Variants in CFAP20 observed in about 807,000 individuals in gnomAD.
The protein encoded by CFAP20 is cilia- and flagella-associated protein 20.
In CFAP20, 14 loss-of-function variants were observed where a neutral mutation model predicts 25.5. That is an observed-to-expected ratio of 0.55 (90% CI 0.36 to 0.86). The LOEUF (loss-of-function observed/expected upper bound fraction) is 0.86. Among genes scored for constraint, CFAP20 ranks in the 40% least tolerant of loss-of-function variants. CFAP20 has a pLI of 0.01. For synonymous variants in CFAP20, 75 were observed against 91.1 expected (o/e 0.82, Z 1.01); for missense variants, 181 against 248.0 (o/e 0.73, Z 1.81).
At chr16:58,117,215 C>T in intron 1 of CFAP20, 2 of 492,264 alleles carry the variant, frequency 4.1e-6, no homozygotes, top group Non-Finnish European at 7.2e-6. Flanking sequence ...CTAATATCTA[C>T]TGAATGCCTA....
chr16:58,118,572 G>A (rs1597087168), intron 1 of CFAP20, among the ~76,000 whole-genome samples: 1 of 151,330 alleles, frequency 6.6e-6, no homozygotes. Context: ...GTTCACGCTT[G>A]TAATCCCAGC....
chr16:58,116,807 A>C (rs1960463386), intron 2 of CFAP20, 65 bp downstream of exon 2: 1 of 1,448,028 alleles, frequency 6.9e-7, no homozygotes, highest in African/African-American at 1.4e-5. Flanking sequence ...CTGTGCTATT[A>C]ACCTCTATGA....
chr16:58,123,000 C>T (rs1391177999), intron 1 of CFAP20, among the ~76,000 whole-genome samples: 1 of 151,960 alleles, frequency 6.6e-6, no homozygotes, highest in Non-Finnish European at 1.5e-5. Context: ...AGGATACTAT[C>T]TTGTTTTTTT....
intron 1 of CFAP20, among the ~76,000 whole-genome samples, chr16:58,122,510 A>G (rs1169567226): frequency 6.6e-6 from 1 of 152,130 alleles, no homozygotes; most frequent in East Asian, 1.9e-4. Flanking sequence ...TGAATCCAGA[A>G]AGAGGAGGTT....
intron 1 of CFAP20, among the ~76,000 whole-genome samples, chr16:58,118,861 T>G (rs926857930): frequency 1.8e-4 from 28 of 152,086 alleles, no homozygotes. Flanking sequence ...GCTGGACTAT[T>G]AGGGCTGAAT....
chr16:58,116,137 T>A lies in CFAP20; in HGVS notation c.180A>T (p.Thr60=), dbSNP rs1313061680. 6.2e-7 allele frequency: 1 copy of A among 1,610,274 alleles called. No homozygotes were observed. The highest frequency in any genetic ancestry group is 1.3e-5 in the African/African-American group (1 of 74,930). ...EGTNVSTTYI[T]CPADPKKTLG... is the part of the protein sequence containing the mutation. ...GCGTCTTCTTGGGGTCTGCAGGGCA[T>A]GTGATATATGTGGTGCTGTAGAGAG... The change falls in exon 3 of 6, where the codon ACA becomes ACT. Residue 60 remains threonine (T), a synonymous_variant. Transcript: ENST00000262498.
At position 58,116,573 on chromosome 16, in the gene CFAP20, T is replaced by C. The variant is rs544107070; in HGVS notation, c.164+299A>G. 3.7e-4 allele frequency: 161 copies of C among 437,332 alleles called. 4 individuals are homozygous for C. The South Asian group carries it at 6.5e-3, about 18-fold the overall frequency. The allele number at this position is 437,332 out of a possible 1,614,324, so 27.1% of individuals were successfully genotyped here. Reference sequence around the variant, plus strand: ...CCCCAACACACACTTTGGTTAATAATATAGCTAATACTGACATCGTGCTTA... The same window carrying C: ...CCCCAACACACACTTTGGTTAATAACATAGCTAATACTGACATCGTGCTTA... On this transcript the variant is annotated intron_variant, in intron 2 of 5. Coordinates refer to ENST00000262498, the MANE Select transcript of CFAP20 (RefSeq NM_013242.3).
chr16:58,116,589 A>C (rs1960460863), intron 2 of CFAP20: 1 of 472,950 alleles, frequency 2.1e-6, no homozygotes, highest in South Asian at 3.7e-5. Context: ...TAATACTGAC[A>C]TCGTGCTTAC....
rs748270380 is a variant in CFAP20, at chr16:58,115,470, GAGA to G, written c.277-16_277-14del. 8.7e-6 allele frequency: 14 copies of G among 1,613,344 alleles called. No homozygotes were observed. Among genetic ancestry groups the G allele is most frequent in the African/African-American group, 2.7e-5 (2 of 74,930 alleles). On this transcript the variant is annotated splice_polypyrimidine_tract_variant and intron_variant, in intron 3 of 5. Transcript: ENST00000262498. ...TGTCATCTAGTACCTGTGAAATACAGAGAAGAAGCATCACACTAGCTCTGTCTT... is the reference window on the plus strand; with the variant it reads ...TGTCATCTAGTACCTGTGAAATACAGAGAAGCATCACACTAGCTCTGTCTT...
At chr16:58,115,839 T>G (rs1306348988) in intron 3 of CFAP20, 2 of 520,596 alleles carry the variant, frequency 3.8e-6, no homozygotes, top group Non-Finnish European at 6.8e-6. Flanking sequence ...GTTTTCTAGG[T>G]GCTGTTTCTT....
rs534216547 is a variant in CFAP20 at position 58,123,648 on chromosome 16, G to GT, written c.84+5383dup. 5.9e-3 allele frequency among the ~76,000 whole-genome samples: 762 copies of GT among 128,178 alleles called. 2 individuals carry two copies. The highest frequency in any genetic ancestry group is 1.0e-2 in the Non-Finnish European group (611 of 61,228). The allele number at this position is 128,178 out of a possible 152,430, so 84.1% of individuals were successfully genotyped here. On this transcript the variant is annotated intron_variant, in intron 1 of 5. Coordinates refer to ENST00000262498, the MANE Select transcript of CFAP20 (RefSeq NM_013242.3). ...AAAAAAAGACTGAAAATTACAGCAT[G>GT]TTTTACACAAGTATAAGTGGGAACA...
chr16:58,123,920 G>A (rs973378969), intron 1 of CFAP20, among the ~76,000 whole-genome samples: 1 of 152,148 alleles, frequency 6.6e-6, no homozygotes, highest in African/African-American at 2.4e-5. Flanking sequence ...AACTTACCCT[G>A]AAGAGTTAAG....
At chr16:58,118,838 A>G (rs1479238631) in intron 1 of CFAP20, among the ~76,000 whole-genome samples, 3 of 152,186 alleles carry the variant, frequency 2.0e-5, no homozygotes, top group Non-Finnish European at 4.4e-5. Context: ...GAACAAACAA[A>G]CAAAAAAACA....
At chr16:58,126,897 T>A (rs1469981525) in intron 1 of CFAP20, among the ~76,000 whole-genome samples, 1 of 152,216 alleles carries the variant, frequency 6.6e-6, no homozygotes, top group Non-Finnish European at 1.5e-5. Context: ...TTCTTCTCTT[T>A]CCTTCCCTTG....
Position 58,126,593 on chromosome 16 carries a change from C to G in CFAP20, c.84+2439G>C, listed in dbSNP as rs191083964. On this transcript the variant is annotated intron_variant, in intron 1 of 5. Transcript: ENST00000262498. ...AAATAGGTACCACAGTCAATATATACCTACTGGCAAAAGTCAAGGTCATGT... is the reference window on the plus strand; with the variant it reads ...AAATAGGTACCACAGTCAATATATAGCTACTGGCAAAAGTCAAGGTCATGT... Among the ~76,000 whole-genome samples the G allele has an allele frequency of 1.7e-3, 258 of 152,282 alleles. 1 individual carries two copies. The highest frequency in any genetic ancestry group is 6.0e-3 in the African/African-American group (250 of 41,542).
Position 58,114,007 on chromosome 16 carries a change from C to T in CFAP20, c.*18G>A. The T allele has an allele frequency of 6.2e-7, 1 of 1,612,926 alleles. No homozygotes were observed. Among genetic ancestry groups the T allele is most frequent in the Non-Finnish European group, 8.5e-7 (1 of 1,178,886 alleles). ...AAGAGTCACATCCAGGGGTCTATCC[C>T]TCGAGTCACAATTCCAGTTATTGCT... On this transcript the variant is annotated 3_prime_UTR_variant, in exon 6 of 6. Coordinates refer to ENST00000262498, the MANE Select transcript of CFAP20 (RefSeq NM_013242.3).
intron 1 of CFAP20, among the ~76,000 whole-genome samples, chr16:58,127,751 T>C (rs1195209573): frequency 1.3e-5 from 2 of 152,184 alleles, no homozygotes; most frequent in African/African-American, 4.8e-5. Context: ...AACTTCATTA[T>C]ATTCAGATTT....
Position 58,116,948 on chromosome 16 carries a change from G to A in CFAP20, c.88C>T (p.Arg30Trp). The A allele has an allele frequency of 1.2e-6, 2 of 1,613,774 alleles. No homozygotes were observed. Among genetic ancestry groups the A allele is most frequent in the Non-Finnish European group, 1.7e-6 (2 of 1,179,732 alleles). Residue 30 changes from arginine (R) to tryptophan (W), a missense_variant, in exon 2 of 6, where the codon CGG becomes TGG. Transcript: ENST00000262498. ...KPLQIWDKKVRNGHIKRITDN... is the reference protein window; with the variant it reads ...KPLQIWDKKVWNGHIKRITDN... Reference sequence around the variant, plus strand: ...GTGATTCTTTTGATGTGGCCATTCCGTACCTACAAGAAAGAAAATTCGATT... The same window carrying A: ...GTGATTCTTTTGATGTGGCCATTCCATACCTACAAGAAAGAAAATTCGATT...
chr16:58,125,755 A>G (rs181321786), intron 1 of CFAP20, among the ~76,000 whole-genome samples: 1 of 152,262 alleles, frequency 6.6e-6, no homozygotes, highest in South Asian at 2.1e-4. Flanking sequence ...GTCATTTATC[A>G]TCAAGTGTTA....
Sources: allele counts gnomAD v4.1 joint callset (sites outside exome capture counted in the v4.1 genomes callset), GRCh38; gene constraint gnomAD v4.1.1; transcripts MANE v1.5; gene names NCBI Gene and HGNC (gene_info 2026-07-23, HGNC 2026-07-21).